KIRREL3: variants seen among roughly 807,000 people sequenced by gnomAD.
KIRREL3 encodes kirre like nephrin family adhesion molecule 3.
In KIRREL3, 36 loss-of-function variants were observed where a neutral mutation model predicts 89.7. That is an observed-to-expected ratio of 0.40 (90% CI 0.31 to 0.53). KIRREL3 has a LOEUF of 0.53. Ranked by LOEUF, KIRREL3 falls within the 20% of genes least tolerant of loss-of-function variation. The probability of loss-of-function intolerance (pLI) is 0.49; values close to 1 mark genes in which losing one functional copy is unlikely to be tolerated. For synonymous variants in KIRREL3, 445 were observed against 441.4 expected (o/e 1.01, Z -0.10); for missense variants, 864 against 1,056.6 (o/e 0.82, Z 2.53).
rs1943165993 is a variant in KIRREL3 at position 126,612,295 on chromosome 11, C to T, written c.56-49383G>A. Among the ~76,000 whole-genome samples, 2 of 152,178 alleles carry T rather than the reference C, an allele frequency of 1.3e-5. No homozygotes were observed. The highest frequency in any genetic ancestry group is 2.4e-5 in the African/African-American group (1 of 41,444). On this transcript the variant is annotated intron_variant, in intron 1 of 16. Coordinates refer to ENST00000525144, the MANE Select transcript of KIRREL3 (RefSeq NM_032531.4). The surrounding 1 kb of genome is among the most constrained non-coding windows in gnomAD (Gnocchi z 4.5). ...GGACACCCTTGGCATATAATAAATG[C>T]TCCCTCAGAATTTGAGTATTATATG... is the stretch of plus-strand genomic sequence containing the variant.
At chr11:126,554,371 G>C (rs1381292834) in intron 2 of KIRREL3, among the ~76,000 whole-genome samples, 1 of 152,080 alleles carries the variant, frequency 6.6e-6, no homozygotes, top group Non-Finnish European at 1.5e-5. Flanking sequence ...TAAGCCCCAG[G>C]AATTGCTCCA....
chr11:126,572,174 G>T (rs1940982936), intron 1 of KIRREL3, among the ~76,000 whole-genome samples: 1 of 152,194 alleles, frequency 6.6e-6, no homozygotes, highest in Admixed American at 6.5e-5. Flanking sequence ...AGGACCAAGA[G>T]TTCCCAAAAG....
rs1941266553 is a variant in KIRREL3, at chr11:126,576,562, T to A, written c.56-13650A>T. Among the ~76,000 whole-genome samples the A allele has an allele frequency of 6.6e-6, 1 of 152,180 alleles. No homozygotes were observed. The highest frequency in any genetic ancestry group is 1.5e-5 in the Non-Finnish European group (1 of 68,044). On this transcript the variant is annotated intron_variant, in intron 1 of 16. Coordinates refer to ENST00000525144, the MANE Select transcript of KIRREL3 (RefSeq NM_032531.4). This position sits in a 1 kb window ranked among gnomAD's most constrained non-coding sequence, Gnocchi z 5.4. The stretch of plus-strand genomic sequence containing the variant: ...GTGGGTTTGGGCAAATTATTAAACA[T>A]CCCTGGACCTCAGCATCTCCATCTT...
rs1307901362 is a variant in KIRREL3, at chr11:126,537,036, T to A, written c.134-10349A>T. 6.6e-6 allele frequency among the ~76,000 whole-genome samples: 1 copy of A among 152,184 alleles called. No homozygotes were observed. Among genetic ancestry groups the A allele is most frequent in the Non-Finnish European group, 1.5e-5 (1 of 68,036 alleles). ...GGTGGGCTCAATCCCTGCCTCCCCT[T>A]TCTCCACTGGTTATTTGGCCTGGCC... On this transcript the variant is annotated intron_variant, in intron 2 of 16. Transcript: ENST00000525144. This position sits in a 1 kb window ranked among gnomAD's most constrained non-coding sequence, Gnocchi z 4.3.
At chr11:126,915,825 T>A (rs1947016387) in intron 1 of KIRREL3, among the ~76,000 whole-genome samples, 1 of 152,158 alleles carries the variant, frequency 6.6e-6, no homozygotes, top group Non-Finnish European at 1.5e-5. Context: ...CATTTCACAT[T>A]CTCTTATTCT....
intron 10 of KIRREL3, 173 bp from the exon 11 acceptor site, chr11:126,440,722 T>C: frequency 1.5e-6 from 1 of 666,440 alleles, no homozygotes; most frequent in East Asian, 2.7e-5. Context: ...AAATTAGGCA[T>C]TCAGTCATAA....
At chr11:126,854,241 A>G (rs1944438416) in intron 1 of KIRREL3, among the ~76,000 whole-genome samples, 1 of 152,036 alleles carries the variant, frequency 6.6e-6, no homozygotes, top group East Asian at 1.9e-4. Flanking sequence ...AAATGCACTA[A>G]AATAAAATTT....
intron 1 of KIRREL3, among the ~76,000 whole-genome samples, chr11:126,660,515 G>C (rs1355757080): frequency 1.3e-5 from 2 of 152,156 alleles, no homozygotes; most frequent in Non-Finnish European, 2.9e-5. Flanking sequence ...ATGGCTAATT[G>C]AGAACTGACT....
chr11:126,934,187 A>C (rs1190438216), intron 1 of KIRREL3, among the ~76,000 whole-genome samples: 7 of 152,198 alleles, frequency 4.6e-5, no homozygotes, highest in Non-Finnish European at 1.0e-4. Flanking sequence ...GATTTTTTTA[A>C]AGAAGGTATC....
chr11:126,471,371 A>AAAAT lies in KIRREL3; in HGVS notation c.591+1934_591+1937dup, dbSNP rs34639115. ...GGCAACAAGAGTGAAACTCTGTCTC[A>AAAAT]AAATAAATAAATAAATAAATAAAAT... On this transcript the variant is annotated intron_variant, in intron 5 of 16. Coordinates refer to ENST00000525144, the MANE Select transcript of KIRREL3 (RefSeq NM_032531.4). This position sits in a 1 kb window ranked among gnomAD's most constrained non-coding sequence, Gnocchi z 5.4. Among the ~76,000 whole-genome samples, 80,619 of 146,146 alleles carry AAAAT rather than the reference A, an allele frequency of 0.55. 23,650 individuals are homozygous for AAAAT. Among genetic ancestry groups the AAAAT allele is most frequent in the East Asian group, 0.83 (4,095 of 4,950 alleles).
Position 126,555,709 on chromosome 11 carries a change from C to T in KIRREL3, c.133+7126G>A, listed in dbSNP as rs577402138. Among the ~76,000 whole-genome samples, 46 of 150,548 alleles carry T rather than the reference C, an allele frequency of 3.1e-4. No homozygotes were observed. The highest frequency in any genetic ancestry group is 1.0e-3 in the African/African-American group (42 of 41,076). ...TCAGAGGTAGGTAGGAACCAGATCA[C>T]GTGGCACCTTGTAGAACATGCTAAC... On this transcript the variant is annotated intron_variant, in intron 2 of 16. Coordinates refer to ENST00000525144, the MANE Select transcript of KIRREL3 (RefSeq NM_032531.4). The surrounding 1 kb of genome is among the most constrained non-coding windows in gnomAD (Gnocchi z 4.2).
At position 126,462,699 on chromosome 11, in the gene KIRREL3, C is replaced by T. The variant is rs929496877; in HGVS notation, c.742+458G>A. Among the ~76,000 whole-genome samples the T allele has an allele frequency of 6.6e-6, 1 of 152,126 alleles. No homozygotes were observed. The highest frequency in any genetic ancestry group is 1.9e-4 in the East Asian group (1 of 5,202). On this transcript the variant is annotated intron_variant, in intron 6 of 16. Transcript: ENST00000525144. This position sits in a 1 kb window ranked among gnomAD's most constrained non-coding sequence, Gnocchi z 4.8. ...AAAAAAAAGATTAAATGAGATAATA[C>T]ATGTAGATTTCCTTCTTCTTGTCCC... is the stretch of plus-strand genomic sequence containing the variant.
intron 10 of KIRREL3, among the ~76,000 whole-genome samples, chr11:126,444,291 C>T (rs923787998): frequency 1.3e-5 from 2 of 152,212 alleles, no homozygotes; most frequent in Non-Finnish European, 2.9e-5. Context: ...CTGGGTGACT[C>T]ACACGCATTG....
intron 4 of KIRREL3, among the ~76,000 whole-genome samples, chr11:126,506,777 ATT>A (rs35672890): frequency 6.7e-6 from 1 of 148,922 alleles, no homozygotes; most frequent in Admixed American, 6.7e-5. Context: ...CATAGCAACA[ATT>A]TTTTTTTTTT....
chr11:126,613,886 T>TC (rs1280158565), intron 1 of KIRREL3, among the ~76,000 whole-genome samples: 1 of 111,026 alleles, frequency 9.0e-6, no homozygotes, highest in African/African-American at 3.8e-5. Flanking sequence ...TTTTTTTTTT[T>TC]TTTTTTTATT....
In KIRREL3 at chr11:126,514,341, C is replaced by T. The variant is rs373360994; in HGVS notation, c.433+6974G>A. Among the ~76,000 whole-genome samples the T allele has an allele frequency of 4.6e-5, 7 of 152,262 alleles. 1 individual carries two copies. The highest frequency in any genetic ancestry group is 1.4e-4 in the African/African-American group (6 of 41,546). ...ACCAGGCCAGGGCCCAGGCAAAACACGCTTAATAAGCAGATAAGGAAATCA... is the reference window on the plus strand; with the variant it reads ...ACCAGGCCAGGGCCCAGGCAAAACATGCTTAATAAGCAGATAAGGAAATCA... On this transcript the variant is annotated intron_variant, in intron 4 of 16. Coordinates refer to ENST00000525144, the MANE Select transcript of KIRREL3 (RefSeq NM_032531.4).
rs749792971 is a variant in KIRREL3, at chr11:126,555,207, C to A, written c.133+7628G>T. ...GAGATGAGTGACTGGCCGGTTCCAG[C>A]GTTCATTCCCTCTGGTTCCTGCACT... On this transcript the variant is annotated intron_variant, in intron 2 of 16. Coordinates refer to ENST00000525144, the MANE Select transcript of KIRREL3 (RefSeq NM_032531.4). The surrounding 1 kb of genome is among the most constrained non-coding windows in gnomAD (Gnocchi z 4.2). Among the ~76,000 whole-genome samples the A allele has an allele frequency of 2.6e-5, 4 of 152,150 alleles. No individual in the cohort carries two copies. The highest frequency in any genetic ancestry group is 7.2e-5 in the African/African-American group (3 of 41,428).
At chr11:126,998,334 C>A (rs191248261) in intron 1 of KIRREL3, among the ~76,000 whole-genome samples, 1 of 152,308 alleles carries the variant, frequency 6.6e-6, no homozygotes, top group East Asian at 1.9e-4. Context: ...TTCCCATAGT[C>A]GGACACTGTC....
intron 1 of KIRREL3, among the ~76,000 whole-genome samples, chr11:126,834,778 T>G (rs554193930): frequency 6.6e-6 from 1 of 152,390 alleles, no homozygotes; most frequent in Non-Finnish European, 1.5e-5. Flanking sequence ...CAGCTGGCCC[T>G]GCGGCCCTGG....
Sources: allele counts gnomAD v4.1 joint callset (sites outside exome capture counted in the v4.1 genomes callset), GRCh38; gene constraint gnomAD v4.1.1; non-coding constraint Gnocchi (gnomAD v3.1); transcripts MANE v1.5; gene names NCBI Gene and HGNC (gene_info 2026-07-23, HGNC 2026-07-21).